PIEZO2: variants seen among roughly 807,000 people sequenced by gnomAD.
The protein encoded by PIEZO2 is piezo-type mechanosensitive ion channel component 2.
In PIEZO2, 172 loss-of-function variants were observed where a neutral mutation model predicts 337.3. That is an observed-to-expected ratio of 0.51 (90% CI 0.45 to 0.58). The LOEUF (loss-of-function observed/expected upper bound fraction) is 0.58. Ranked by LOEUF, PIEZO2 falls within the 20% of genes least tolerant of loss-of-function variation. The pLI, the probability that PIEZO2 is intolerant of heterozygous loss-of-function variation, is 0.00. For missense variants in PIEZO2, 3,028 were observed against 3,391.3 expected, an observed-to-expected ratio of 0.89 and a Z score of 2.66; for synonymous variants, 1,251 against 1,228.5, an observed-to-expected ratio of 1.02 and a Z score of -0.38.
At chr18:11,051,370 G>GGGT (rs2037528781) in intron 2 of PIEZO2, among the ~76,000 whole-genome samples, 5 of 97,234 alleles carry the variant, frequency 5.1e-5, no homozygotes, top group African/African-American at 1.5e-4. Flanking sequence ...TGTGTGTGTG[G>GGGT]GTGTGGGTGT....
chr18:10,769,047 T>C (rs978502248), intron 21 of PIEZO2, among the ~76,000 whole-genome samples: 1 of 152,224 alleles, frequency 6.6e-6, no homozygotes, highest in Non-Finnish European at 1.5e-5. Flanking sequence ...TGTTCAGAAA[T>C]GGTCTCTGTG....
At position 10,899,592 on chromosome 18, in the gene PIEZO2, A is replaced by G. The variant is rs927035441; in HGVS notation, c.329+11594T>C. ...ACGTAGGATGCAGAACAAATAAGAA[A>G]TATGAAGCCTTCTCTTGTAGCTGCC... On this transcript the variant is annotated intron_variant, in intron 4 of 55. Transcript: ENST00000674853. The surrounding 1 kb of genome is among the most constrained non-coding windows in gnomAD (Gnocchi z 4.6). 1.3e-5 allele frequency among the ~76,000 whole-genome samples: 2 copies of G among 152,178 alleles called. No homozygotes were observed. Among genetic ancestry groups the G allele is most frequent in the Non-Finnish European group, 2.9e-5 (2 of 68,024 alleles).
intron 7 of PIEZO2, among the ~76,000 whole-genome samples, chr18:10,851,537 T>C (rs1275377042): frequency 2.6e-5 from 4 of 152,202 alleles, no homozygotes; most frequent in African/African-American, 9.7e-5. Context: ...TATGATGTTA[T>C]TACACTATTA....
chr18:11,010,697 C>G (rs1490149956), intron 2 of PIEZO2, among the ~76,000 whole-genome samples: 2 of 152,126 alleles, frequency 1.3e-5, no homozygotes, highest in Non-Finnish European at 2.9e-5. Context: ...CAAAGATATT[C>G]AGGAACATCC....
chr18:11,004,047 G>GT (rs1393365092), intron 2 of PIEZO2, among the ~76,000 whole-genome samples: 1 of 152,198 alleles, frequency 6.6e-6, no homozygotes, highest in Non-Finnish European at 1.5e-5. Context: ...GGGGTAGGGA[G>GT]TAAGTGTGGG....
intron 3 of PIEZO2, among the ~76,000 whole-genome samples, chr18:10,934,090 G>A (rs574892054): frequency 5.0e-4 from 76 of 152,304 alleles, no homozygotes; most frequent in Admixed American, 6.5e-4. Context: ...GCATGATGCC[G>A]CTATTTTTCA....
At chr18:10,875,431 G>A (rs554309603) in intron 4 of PIEZO2, among the ~76,000 whole-genome samples, 2 of 152,226 alleles carry the variant, frequency 1.3e-5, no homozygotes, top group African/African-American at 2.4e-5. Flanking sequence ...ATCAAGGAAT[G>A]AGAAAAAATG....
rs929090837 is a variant in PIEZO2 at position 10,726,706 on chromosome 18, A to G, written c.5029+4701T>C. 7.0e-7 allele frequency: 1 copy of G among 1,434,656 alleles called. No individual in the cohort carries two copies. Among genetic ancestry groups the G allele is most frequent in the Non-Finnish European group, 9.7e-7 (1 of 1,026,562 alleles). The allele number at this position is 1,434,656 out of a possible 1,614,324, so 88.9% of individuals were successfully genotyped here. On this transcript the variant is annotated intron_variant, in intron 36 of 55. Coordinates refer to ENST00000674853, the MANE Select transcript of PIEZO2 (RefSeq NM_001378183.1). This position sits in a 1 kb window ranked among gnomAD's most constrained non-coding sequence, Gnocchi z 5.9. Reference sequence around the variant, plus strand: ...ATTCAGCAAGGACCAGGTGTACCTGAACGGCATCCTGTGCATTCTGGGACA... The same window carrying G: ...ATTCAGCAAGGACCAGGTGTACCTGGACGGCATCCTGTGCATTCTGGGACA...
At chr18:10,694,977 C>G (rs140298461) in intron 47 of PIEZO2, among the ~76,000 whole-genome samples, 17 of 152,180 alleles carry the variant, frequency 1.1e-4, no homozygotes, top group Non-Finnish European at 2.5e-4. Flanking sequence ...AGGCCAGTGA[C>G]GAAGAGTTAT....
At chr18:10,851,312 C>T (rs888351219) in intron 7 of PIEZO2, among the ~76,000 whole-genome samples, 2 of 151,964 alleles carry the variant, frequency 1.3e-5, no homozygotes, top group East Asian at 1.9e-4. Flanking sequence ...GTCCTGTTAT[C>T]GGCAAGTTAA....
rs1207891112 is a variant in PIEZO2 at position 10,767,182 on chromosome 18, T to G, written c.2946+2966A>C. On this transcript the variant is annotated intron_variant, in intron 21 of 55. Transcript: ENST00000674853. The surrounding 1 kb of genome is among the most constrained non-coding windows in gnomAD (Gnocchi z 4.2). Reference sequence around the variant, plus strand: ...GTATTTCAAAAGGAGGAGAAAATGTTTATGTATACTATATATATATTTAAA... The same window carrying G: ...GTATTTCAAAAGGAGGAGAAAATGTGTATGTATACTATATATATATTTAAA... 1.3e-5 allele frequency among the ~76,000 whole-genome samples: 2 copies of G among 152,090 alleles called. No individual in the cohort carries two copies. The highest frequency in any genetic ancestry group is 4.8e-5 in the African/African-American group (2 of 41,404).
chr18:10,931,139 CTATT>C (rs2032056257), intron 3 of PIEZO2, among the ~76,000 whole-genome samples: 1 of 151,838 alleles, frequency 6.6e-6, no homozygotes, highest in Non-Finnish European at 1.5e-5. Flanking sequence ...TCTCTCTTCT[CTATT>C]TATCTGTCAT....
At chr18:11,072,875 T>A (rs4797499) in intron 1 of PIEZO2, among the ~76,000 whole-genome samples, 1 of 152,038 alleles carries the variant, frequency 6.6e-6, no homozygotes, top group African/African-American at 2.4e-5. Context: ...ATAAGCCACC[T>A]CCCCCAGGCA....
chr18:10,905,735 A>G (rs2043160075), intron 4 of PIEZO2, among the ~76,000 whole-genome samples: 1 of 152,116 alleles, frequency 6.6e-6, no homozygotes, highest in African/African-American at 2.4e-5. Context: ...CAACGTAATG[A>G]CAAAAAGACA....
rs1197487956 is a variant in PIEZO2, at chr18:10,784,404, T to C, written c.2492+380A>G. On this transcript the variant is annotated intron_variant, in intron 17 of 55. Transcript: ENST00000674853. This position sits in a 1 kb window ranked among gnomAD's most constrained non-coding sequence, Gnocchi z 4.5. ...ATCTTTTGCTATGCTCTCACAAGAC[T>C]TCTGTACTTGTGGTTGGCATAATGG... Among the ~76,000 whole-genome samples the C allele has an allele frequency of 6.6e-6, 1 of 152,236 alleles. No individual in the cohort carries two copies. Among genetic ancestry groups the C allele is most frequent in the Non-Finnish European group, 1.5e-5 (1 of 68,034 alleles).
chr18:10,696,859 CA>C (rs2035114595), intron 45 of PIEZO2, among the ~76,000 whole-genome samples: 1 of 152,132 alleles, frequency 6.6e-6, no homozygotes, highest in African/African-American at 2.4e-5. Context: ...TTCAATTGCT[CA>C]CCACCGGCGA....
chr18:11,046,223 C>A (rs932816239), intron 2 of PIEZO2, among the ~76,000 whole-genome samples: 1 of 152,186 alleles, frequency 6.6e-6, no homozygotes, highest in Admixed American at 6.5e-5. Context: ...GCTCTAGCTG[C>A]TGAATATTTG....
In PIEZO2 at chr18:10,993,513, TTTGTTG is replaced by T. The variant is rs143536796; in HGVS notation, c.161-13859_161-13854del. 1.8e-4 allele frequency among the ~76,000 whole-genome samples: 27 copies of T among 151,730 alleles called. No homozygotes were observed. In the South Asian group the frequency reaches 2.5e-3, roughly 14 times the overall value. On this transcript the variant is annotated intron_variant, in intron 2 of 55. Coordinates refer to ENST00000674853, the MANE Select transcript of PIEZO2 (RefSeq NM_001378183.1). The surrounding 1 kb of genome is among the most constrained non-coding windows in gnomAD (Gnocchi z 5.0). ...TTCTGTTTATGTGATAGATTACGTT[TTTGTTG>T]TTGTTGTTGTTGTTGTTGTTGTTTT... is the stretch of plus-strand genomic sequence containing the variant.
chr18:10,805,037 C>CT (rs1165767301), intron 8 of PIEZO2, among the ~76,000 whole-genome samples: 1 of 152,178 alleles, frequency 6.6e-6, no homozygotes, highest in Non-Finnish European at 1.5e-5. Context: ...GCTACCTTTG[C>CT]TTGCCAGACA....
Sources: gnomAD v4.1 joint callset for allele counts (sites outside exome capture counted in the v4.1 genomes callset) on GRCh38, gnomAD v4.1.1 for gene constraint, Gnocchi (gnomAD v3.1) non-coding constraint, MANE v1.5 for transcripts, NCBI Gene and HGNC (gene_info 2026-07-23, HGNC 2026-07-21) for gene names.